Variants in CSNK1E observed in about 807,000 individuals in gnomAD.
The protein encoded by CSNK1E is casein kinase I isoform epsilon.
A neutral mutation model predicts 46.1 loss-of-function variants in CSNK1E; 17 were observed. The ratio of observed to expected loss-of-function variants is 0.37; its 90% confidence interval spans 0.25 to 0.55. The LOEUF is 0.55. CSNK1E is among the 20% of genes least tolerant of loss of function. CSNK1E has a pLI of 0.82. For missense variants in CSNK1E, 386 were observed against 595.4 expected, an observed-to-expected ratio of 0.65 and a Z score of 3.66; for synonymous variants, 241 against 242.6, an observed-to-expected ratio of 0.99 and a Z score of 0.06.
At chr22:38,293,101 A>C (rs1388701226) in intron 10 of CSNK1E, 154 bp downstream of exon 10, 1 of 673,204 alleles carries the variant, frequency 1.5e-6, no homozygotes, top group Non-Finnish European at 2.7e-6. Flanking sequence ...CGAGGTTTTA[A>C]ACTACTTGAG....
intron 7 of CSNK1E, chr22:38,296,936 AGCTAATTTT>A (rs2092644056): frequency 3.3e-6 from 2 of 610,388 alleles, no homozygotes; most frequent in Non-Finnish European, 2.9e-6. Context: ...CACCATGCCC[AGCTAATTTT>A]TGTGTTTTTA....
chr22:38,302,782 A>G, intron 4 of CSNK1E, 79 bp downstream of exon 4: 4 of 1,551,748 alleles, frequency 2.6e-6, no homozygotes, highest in Non-Finnish European at 3.5e-6. Context: ...ATCCTCTGGC[A>G]TCCTCTGGGG....
rs2092653907 is a variant in CSNK1E at position 38,298,602 on chromosome 22, G to A, written c.885+184C>T. ...CTGCCTGGGCCCTGCTGCCCATGGT[G>A]GCACAAGCTGTCAGCACGGATGAGG... On this transcript the variant is annotated intron_variant, in intron 7 of 10. Coordinates refer to ENST00000396832, the MANE Select transcript of CSNK1E (RefSeq NM_152221.3). This position sits in a 1 kb window ranked among gnomAD's most constrained non-coding sequence, Gnocchi z 4.2. 3.0e-6 allele frequency: 2 copies of A among 669,226 alleles called. No homozygotes were observed. The highest frequency in any genetic ancestry group is 5.5e-5 in the Admixed American group (2 of 36,572). The allele number at this position is 669,226 out of a possible 1,614,324, so 41.5% of individuals were successfully genotyped here.
rs146002785 is a variant in CSNK1E, at chr22:38,291,501, G to T, written c.*470C>A. On this transcript the variant is annotated 3_prime_UTR_variant, in exon 11 of 11. Transcript: ENST00000396832. ...CATCTCAGAGTGGGTGGGGCTGTGC[G>T]TATCTCCTGGATTCTGAGGCTCGGA... 1 of 152,378 alleles carries T rather than the reference G, an allele frequency of 6.6e-6. No homozygotes were observed. The highest frequency in any genetic ancestry group is 1.5e-5 in the Non-Finnish European group (1 of 68,182). 9.4% of individuals were successfully genotyped at this position (152,378 alleles called of 1,614,324 possible).
At chr22:38,295,396 C>T in intron 7 of CSNK1E, 2 of 985,218 alleles carry the variant, frequency 2.0e-6, no homozygotes, top group Non-Finnish European at 2.4e-6. Context: ...CCTAGTTCAT[C>T]CTGGGGCCGT....
intron 6 of CSNK1E, 31 bp downstream of exon 6, chr22:38,299,864 C>A (rs754542465): frequency 5.6e-6 from 9 of 1,606,070 alleles, no homozygotes; most frequent in Non-Finnish European, 6.0e-6. Context: ...CAGGGGCCCC[C>A]AGGCATGTCC....
upstream of CSNK1E, chr22:38,317,467 C>A: frequency 7.0e-6 from 1 of 143,590 alleles, no homozygotes; most frequent in South Asian, 1.9e-4. Context: ...CCATTGAGCC[C>A]CGGGCCCGCC....
At chr22:38,297,178 T>C (rs374624156) in intron 7 of CSNK1E, 32 of 777,738 alleles carry the variant, frequency 4.1e-5, no homozygotes, top group Non-Finnish European at 7.0e-5. Context: ...AAATCCATTC[T>C]TGCAGTTGTG....
In CSNK1E at chr22:38,291,254, G is replaced by A. The variant is rs890880496; in HGVS notation, c.*717C>T. 8 of 152,494 alleles carry A rather than the reference G, an allele frequency of 5.2e-5. No individual in the cohort carries two copies. Among genetic ancestry groups the A allele is most frequent in the Non-Finnish European group, 8.8e-5 (6 of 68,300 alleles). 9.4% of individuals were successfully genotyped at this position (152,494 alleles called of 1,614,324 possible). On this transcript the variant is annotated 3_prime_UTR_variant, in exon 11 of 11. Transcript: ENST00000396832. ...ACCGCCCACCCCCATGTCCTTGTTA[G>A]TAGACACAGGAGAACGGGAATTCGG...
At chr22:38,316,554 A>C (rs925144384) in intron 1 of CSNK1E, 1 of 152,258 alleles carries the variant, frequency 6.6e-6, no homozygotes, top group South Asian at 2.1e-4. Context: ...GCAAGACATC[A>C]ATCTCTCACA....
chr22:38,308,481 C>T (rs559903653), intron 2 of CSNK1E, among the ~76,000 whole-genome samples: 1 of 152,204 alleles, frequency 6.6e-6, no homozygotes, highest in South Asian at 2.1e-4. Flanking sequence ...CAAATCCTGA[C>T]TCGGACATCC....
chr22:38,310,384 G>T (rs1348005446), intron 2 of CSNK1E, among the ~76,000 whole-genome samples: 5 of 152,106 alleles, frequency 3.3e-5, no homozygotes, highest in African/African-American at 4.8e-5. Context: ...CTCACACGGG[G>T]GCCTACTTGA....
In CSNK1E at chr22:38,300,991, C is replaced by G. The variant is rs769955169; in HGVS notation, c.337-39G>C. 3 of 1,570,778 alleles carry G rather than the reference C, an allele frequency of 1.9e-6. No individual in the cohort carries two copies. Among genetic ancestry groups the G allele is most frequent in the Admixed American group, 1.7e-5 (1 of 59,906 alleles). ...GGGCCATTTGTTCAACAGAGGGGCCCTTGCCTAGCACTCTGGGCCAGGCAG... is the reference window on the plus strand; with the variant it reads ...GGGCCATTTGTTCAACAGAGGGGCCGTTGCCTAGCACTCTGGGCCAGGCAG... On this transcript the variant is annotated intron_variant, in intron 4 of 10. Coordinates refer to ENST00000396832, the MANE Select transcript of CSNK1E (RefSeq NM_152221.3). The surrounding 1 kb of genome is among the most constrained non-coding windows in gnomAD (Gnocchi z 4.4).
intron 2 of CSNK1E, among the ~76,000 whole-genome samples, chr22:38,313,717 G>T (rs1377719558): frequency 1.3e-5 from 2 of 152,196 alleles, no homozygotes. Flanking sequence ...AGCAACCCAA[G>T]TCCCTTCTAT....
At chr22:38,308,833 C>T (rs901008322) in intron 2 of CSNK1E, among the ~76,000 whole-genome samples, 5 of 152,014 alleles carry the variant, frequency 3.3e-5, no homozygotes, top group African/African-American at 7.2e-5. Context: ...AAGCAGAGGC[C>T]CAACAGCAGC....
At chr22:38,316,628 A>C (rs1481931356) in intron 1 of CSNK1E, 1 of 152,264 alleles carries the variant, frequency 6.6e-6, no homozygotes. Flanking sequence ...CACAAAGAAA[A>C]ACAAATCAGT....
rs2092620916 is a variant in CSNK1E at position 38,293,255 on chromosome 22, C to T, written c.*32G>A. The T allele has an allele frequency of 1.2e-6, 2 of 1,612,686 alleles. No individual in the cohort carries two copies. Among genetic ancestry groups the T allele is most frequent in the African/African-American group, 2.7e-5 (2 of 74,992 alleles). The stretch of plus-strand genomic sequence containing the variant: ...GCATCTGCAGCAGTCATGGACTCAC[C>T]TAAGCAAACACTGGTCCAATGGGGG... On this transcript the variant is annotated splice_region_variant and 3_prime_UTR_variant, in exon 10 of 11. Coordinates refer to ENST00000396832, the MANE Select transcript of CSNK1E (RefSeq NM_152221.3).
chr22:38,296,525 G>C (rs1481043030), intron 7 of CSNK1E: 1 of 1,600,962 alleles, frequency 6.2e-7, no homozygotes, highest in South Asian at 1.1e-5. Flanking sequence ...GACTGCTGGA[G>C]GTGGTTCAGC....
chr22:38,313,800 G>T (rs1295669723), intron 2 of CSNK1E, among the ~76,000 whole-genome samples: 1 of 152,212 alleles, frequency 6.6e-6, no homozygotes, highest in Non-Finnish European at 1.5e-5. Flanking sequence ...CACCCAGCTG[G>T]TGACCCAGCT....
Sources: allele counts gnomAD v4.1 joint callset (sites outside exome capture counted in the v4.1 genomes callset), GRCh38; gene constraint gnomAD v4.1.1; non-coding constraint Gnocchi (gnomAD v3.1); transcripts MANE v1.5; gene names NCBI Gene and HGNC (gene_info 2026-07-23, HGNC 2026-07-21).